The following PLTP variants were observed in gnomAD, a reference collection of about 807,000 sequenced individuals.
PLTP encodes phospholipid transfer protein, also known as BPI fold containing family E.
PLTP carries 43 observed loss-of-function variants against 54.1 expected under a neutral mutation model. The observed-to-expected ratio is 0.79, with a 90% CI of 0.62 to 1.02. The LOEUF (loss-of-function observed/expected upper bound fraction) is 1.02, where lower values mean the gene tolerates loss of function less well. Ranked by LOEUF, PLTP falls within the 50% of genes least tolerant of loss-of-function variation. The pLI is 0.00. For synonymous variants in PLTP, 263 were observed against 264.6 expected (o/e 0.99, Z 0.06); for missense variants, 604 against 645.9 (o/e 0.94, Z 0.70).
In PLTP at chr20:45,898,954, G is replaced by A. The variant is rs772849499; in HGVS notation, c.1469C>T (p.Thr490Ile). 1.9e-6 allele frequency: 3 copies of A among 1,614,144 alleles called. No homozygotes were observed. The highest frequency in any genetic ancestry group is 2.2e-5 in the East Asian group (1 of 44,880). ...GGGATTGAGGGCTCAGACAGCTGCT[G>A]TGGACGGTGTGGGGGCAGTGGACGC... ...VRASTAPTPSTAAV is the reference protein window; with the variant it reads ...VRASTAPTPSIAAV Residue 490 changes from threonine to isoleucine, a missense_variant, in exon 16 of 16, where the codon ACA becomes ATA. By Grantham distance (89) the Thr-to-Ile change is moderately conservative. Coordinates refer to ENST00000372431, the MANE Select transcript of PLTP (RefSeq NM_006227.4). This position sits in a 1 kb window ranked among gnomAD's most constrained non-coding sequence, Gnocchi z 4.6.
intron 12 of PLTP, 81 bp from the exon 13 acceptor site, chr20:45,899,959 G>A (rs1228183618): frequency 2.4e-6 from 3 of 1,256,816 alleles, no homozygotes; most frequent in East Asian, 2.5e-5. Context: ...CCTGCCAGAG[G>A]TGTCTGAGTT....
Position 45,904,252 on chromosome 20 carries a change from C to T in PLTP, c.942+548G>A, listed in dbSNP as rs542806832. On this transcript the variant is annotated intron_variant, in intron 10 of 15. Coordinates refer to ENST00000372431, the MANE Select transcript of PLTP (RefSeq NM_006227.4). ...GCCAAAAATGGGTGATCACTTGAGC[C>T]CAGGAGTTCAAGGACAGCCTGAGCA... is the stretch of plus-strand genomic sequence containing the variant. Among the ~76,000 whole-genome samples the T allele has an allele frequency of 2.6e-5, 4 of 152,152 alleles. No individual in the cohort carries two copies. The South Asian group carries it at 8.3e-4, about 32-fold the overall frequency.
At chr20:45,900,981 C>G (rs6065902) in intron 12 of PLTP, among the ~76,000 whole-genome samples, 1 of 152,140 alleles carries the variant, frequency 6.6e-6, no homozygotes, top group Admixed American at 6.5e-5. Flanking sequence ...AGTAATTTGC[C>G]TGAAGTCACA....
rs780915235 is a variant in PLTP at position 45,907,834 on chromosome 20, C to A, written c.549+7G>T. The A allele has an allele frequency of 6.2e-7, 1 of 1,602,896 alleles. No homozygotes were observed. Among genetic ancestry groups the A allele is most frequent in the Admixed American group, 1.7e-5 (1 of 57,590 alleles). Reference sequence around the variant, plus strand: ...CTTGCCACCCTGCGACCTGTCGCTGCCCACACCTGCTGGTTGAGGAGGAAG... The same window carrying A: ...CTTGCCACCCTGCGACCTGTCGCTGACCACACCTGCTGGTTGAGGAGGAAG... On this transcript the variant is annotated splice_region_variant and intron_variant, in intron 6 of 15. Transcript: ENST00000372431.
intron 1 of PLTP, 77 bp from the exon 2 acceptor site, chr20:45,911,540 A>G (rs1360205673): frequency 1.9e-6 from 3 of 1,575,628 alleles, no homozygotes; most frequent in East Asian, 2.3e-5. Context: ...ATAAGTGGGA[A>G]CTAGCCTGGA....
Position 45,911,188 on chromosome 20 carries a change from C to T in PLTP, c.164G>A (p.Arg55Gln), listed in dbSNP as rs1402309586. 1.2e-6 allele frequency: 2 copies of T among 1,614,150 alleles called. No homozygotes were observed. Among genetic ancestry groups the T allele is most frequent in the Admixed American group, 1.7e-5 (1 of 60,026 alleles). Residue 55 changes from arginine to glutamine, a missense_variant, in exon 3 of 16, where the codon CGG (arginine) becomes CAG (glutamine). By Grantham distance (43) the Arg-to-Gln change is conservative. Coordinates refer to ENST00000372431, the MANE Select transcript of PLTP (RefSeq NM_006227.4). Reference sequence around the variant, plus strand: ...GTAGTAGAAGTGGCCTTCTTTGCCCCGCAGGTCCGGAATGGTGATAGTCTC... The same window carrying T: ...GTAGTAGAAGTGGCCTTCTTTGCCCTGCAGGTCCGGAATGGTGATAGTCTC... ...ELETITIPDL[R>Q]GKEGHFYYNI...
In PLTP at chr20:45,906,300, C is replaced by G; in HGVS notation, c.673G>C (p.Ala225Pro). Reference sequence around the variant, plus strand: ...TCCATGTCCAGGTTGCTGGTGGAAGCCACAGGATCCTTCATGAGGGAATAG... The same window carrying G: ...TCCATGTCCAGGTTGCTGGTGGAAGGCACAGGATCCTTCATGAGGGAATAG... Reference protein sequence around the residue: ...IDYSLMKDPVASTSNLDMDFR... With the variant: ...IDYSLMKDPVPSTSNLDMDFR... The change falls in exon 8 of 16, where the codon GCT becomes CCT. Residue 225 changes from alanine (A) to proline (P), a missense_variant. Transcript: ENST00000372431. 6.2e-7 allele frequency: 1 copy of G among 1,614,098 alleles called. No individual in the cohort carries two copies. Among genetic ancestry groups the G allele is most frequent in the Non-Finnish European group, 8.5e-7 (1 of 1,179,984 alleles).
chr20:45,908,565 C>T lies in PLTP; in HGVS notation c.486-661G>A, dbSNP rs11569643. On this transcript the variant is annotated intron_variant, in intron 5 of 15. Transcript: ENST00000372431. Reference sequence around the variant, plus strand: ...CTGTAATCCCAGCACTTTGGTAGGCCGAGGCGGACAGACCACCTGAGATCA... The same window carrying T: ...CTGTAATCCCAGCACTTTGGTAGGCTGAGGCGGACAGACCACCTGAGATCA... Among the ~76,000 whole-genome samples, 425 of 152,142 alleles carry T rather than the reference C, an allele frequency of 2.8e-3. 1 individual carries two copies. The highest frequency in any genetic ancestry group is 1.0e-2 in the African/African-American group (413 of 41,504).
rs2083154884 is a variant in PLTP at position 45,899,528 on chromosome 20, C to T, written c.1293G>A (p.Trp431Ter). Residue 431 changes from tryptophan to a stop codon, truncating the protein, a stop_gained, in exon 15 of 16, where the codon TGG (tryptophan) becomes TGA (stop). Coordinates refer to ENST00000372431, the MANE Select transcript of PLTP (RefSeq NM_006227.4). LOFTEE classifies it high-confidence loss of function. ...CAGGTAGTGGGATCTGCACCCCACG[C>T]CAGGTCCGCTCTGTGGGTGGGAGCA... ...GVMPMLNERT[W>*]RGVQIPLPEG... The T allele has an allele frequency of 1.2e-6, 2 of 1,614,058 alleles. No homozygotes were observed. Among genetic ancestry groups the T allele is most frequent in the Non-Finnish European group, 1.7e-6 (2 of 1,180,042 alleles).
chr20:45,909,760 C>T, intron 4 of PLTP, 89 bp from the exon 5 acceptor site: 1 of 1,488,674 alleles, frequency 6.7e-7, no homozygotes, highest in Non-Finnish European at 9.3e-7. Flanking sequence ...AATAAGGTTT[C>T]ACCTCTTTCC....
In PLTP at chr20:45,899,886, A is replaced by G. The variant is rs1383296137; in HGVS notation, c.1176-8T>C. ...TTGGAATAGATTCGGAACCTGCGGG[A>G]AAGAAAGGAGCCCTGTGGGCAGGAA... is the stretch of plus-strand genomic sequence containing the variant. On this transcript the variant is annotated splice_region_variant and splice_polypyrimidine_tract_variant and intron_variant, in intron 12 of 15. Transcript: ENST00000372431. 7.1e-6 allele frequency: 10 copies of G among 1,409,516 alleles called. No individual in the cohort carries two copies. The highest frequency in any genetic ancestry group is 8.4e-6 in the Non-Finnish European group (9 of 1,067,388). 87.3% of individuals were successfully genotyped at this position (1,409,516 alleles called of 1,614,324 possible).
intron 13 of PLTP, 50 bp from the exon 14 acceptor site, chr20:45,899,735 C>T (rs760749486): frequency 6.8e-6 from 11 of 1,610,958 alleles, no homozygotes; most frequent in Non-Finnish European, 9.3e-6. Flanking sequence ...GTTGGGTTTG[C>T]CTTTAGCTGC....
chr20:45,904,969 G>C lies in PLTP; in HGVS notation c.855C>G (p.Ala285=), dbSNP rs1202216695. ...SAMESYFRAG[A]LQLLLVGDKV... is the part of the protein sequence containing the mutation. Reference sequence around the variant, plus strand: ...TGTCCCCCACCAGCAACAGCTGCAGGGCCCCCGCCCGGAAGTAGCTCTCCA... The same window carrying C: ...TGTCCCCCACCAGCAACAGCTGCAGCGCCCCCGCCCGGAAGTAGCTCTCCA... The change falls in exon 9 of 16, where the codon GCC becomes GCG. Residue 285 remains alanine (A), a synonymous_variant. Transcript: ENST00000372431. The C allele has an allele frequency of 6.2e-7, 1 of 1,614,216 alleles. No individual in the cohort carries two copies. Among genetic ancestry groups the C allele is most frequent in the Admixed American group, 1.7e-5 (1 of 60,026 alleles).
chr20:45,902,363 CTGA>C, intron 11 of PLTP, 29 bp from the exon 12 acceptor site: 1 of 1,614,198 alleles, frequency 6.2e-7, no homozygotes, highest in Non-Finnish European at 8.5e-7. Flanking sequence ...GAGGATGTTA[CTGA>C]CCCAGAAGGT....
chr20:45,907,897 A>G lies in PLTP; in HGVS notation c.493T>C (p.Tyr165His). 1 of 1,578,146 alleles carries G rather than the reference A, an allele frequency of 6.3e-7. No homozygotes were observed. The highest frequency in any genetic ancestry group is 8.6e-7 in the Non-Finnish European group (1 of 1,162,024). ...GTGATGAACGTGGAGAGAAAATCATACACCTTCCTGTGAGGAGAGGAGAGG... is the reference window on the plus strand; with the variant it reads ...GTGATGAACGTGGAGAGAAAATCATGCACCTTCCTGTGAGGAGAGGAGAGG... ...AAFGGTFKKV[Y>H]DFLSTFITSG... The change falls in exon 6 of 16, where the codon TAT becomes CAT. Residue 165 changes from tyrosine (Y) to histidine (H), a missense_variant. By Grantham distance (83) the Tyr-to-His change is moderately conservative. Coordinates refer to ENST00000372431, the MANE Select transcript of PLTP (RefSeq NM_006227.4).
intron 7 of PLTP, among the ~76,000 whole-genome samples, chr20:45,907,345 A>G (rs895314491): frequency 1.4e-4 from 22 of 151,860 alleles, no homozygotes; most frequent in Non-Finnish European, 2.7e-4. Flanking sequence ...AAAAAAAAAA[A>G]AAAGAAAGAA....
intron 1 of PLTP, 37 bp from the exon 2 acceptor site, chr20:45,911,500 C>T (rs2083293157): frequency 6.3e-7 from 1 of 1,598,658 alleles, no homozygotes; most frequent in Admixed American, 1.7e-5. Context: ...TTATCTGAGC[C>T]GCTTAAACCC....
chr20:45,903,692 A>G (rs528499328), intron 10 of PLTP, among the ~76,000 whole-genome samples: 5 of 152,202 alleles, frequency 3.3e-5, no homozygotes, highest in African/African-American at 1.2e-4. Context: ...TATTACTGCC[A>G]ATTTTGTTGT....
chr20:45,909,742 T>C (rs2083273007), intron 4 of PLTP, 71 bp from the exon 5 acceptor site: 3 of 1,546,216 alleles, frequency 1.9e-6, no homozygotes, highest in Non-Finnish European at 1.8e-6. Context: ...TGCATCACCA[T>C]ACCTCTTAAT....
Sources: allele counts gnomAD v4.1 joint callset (sites outside exome capture counted in the v4.1 genomes callset), GRCh38; gene constraint gnomAD v4.1.1; non-coding constraint Gnocchi (gnomAD v3.1); transcripts MANE v1.5; gene names NCBI Gene and HGNC (gene_info 2026-07-23, HGNC 2026-07-21).